The following CREB1 variants were observed in gnomAD, a reference collection of about 807,000 sequenced individuals.
CREB1 encodes cAMP responsive element binding protein 1.
CREB1 carries 2 observed loss-of-function variants against 42.0 expected under a neutral mutation model. The observed-to-expected ratio is 0.05, with a 90% CI of 0.02 to 0.15. The LOEUF is 0.15. Ranked by LOEUF, CREB1 falls within the 10% of genes least tolerant of loss-of-function variation. CREB1 has a pLI of 1.00. For synonymous variants in CREB1, 123 were observed against 139.9 expected, an observed-to-expected ratio of 0.88 and a Z score of 0.85; for missense variants, 199 against 388.9, an observed-to-expected ratio of 0.51 and a Z score of 4.11.
rs111992031 is a variant in CREB1, at chr2:207,601,215, A to G, written c.*4157A>G. The G allele has an allele frequency of 2.2e-5, 4 of 185,574 alleles. 1 individual carries two copies. Among genetic ancestry groups the G allele is most frequent in the African/African-American group, 9.3e-5 (4 of 42,820 alleles). 11.5% of individuals were successfully genotyped at this position (185,574 alleles called of 1,614,324 possible). A position where few individuals can be genotyped will look rare whatever the true frequency, so the allele number is the denominator to read the frequency against. Reference sequence around the variant, plus strand: ...GAAAAGTTGTATATTTATTTGGATTATATTTACATTCTGTCCTTTGTAAAT... The same window carrying G: ...GAAAAGTTGTATATTTATTTGGATTGTATTTACATTCTGTCCTTTGTAAAT... On this transcript the variant is annotated 3_prime_UTR_variant, in exon 8 of 8. Coordinates refer to ENST00000353267, the MANE Select transcript of CREB1 (RefSeq NM_004379.5).
intron 1 of CREB1, among the ~76,000 whole-genome samples, chr2:207,530,560 C>T (rs1345839082): frequency 1.4e-5 from 2 of 146,014 alleles, no homozygotes; most frequent in Non-Finnish European, 3.0e-5. Flanking sequence ...CCCGGCGCTG[C>T]CCCCCGCGCC....
Position 207,555,102 on chromosome 2 carries a change from C to T in CREB1, c.-8-526C>T, listed in dbSNP as rs1010642604. 2.0e-5 allele frequency among the ~76,000 whole-genome samples: 3 copies of T among 152,196 alleles called. No individual in the cohort carries two copies. In the East Asian group the frequency reaches 5.8e-4, roughly 29 times the overall value. ...TAAAAAATTTTGGGCTTGAAACGGGCTGATTTTGTCCTACCACTAGTAATC... is the reference window on the plus strand; with the variant it reads ...TAAAAAATTTTGGGCTTGAAACGGGTTGATTTTGTCCTACCACTAGTAATC... On this transcript the variant is annotated intron_variant, in intron 1 of 7. Transcript: ENST00000353267.
At chr2:207,583,770 T>G (rs1462040455) in intron 7 of CREB1, among the ~76,000 whole-genome samples, 1 of 152,234 alleles carries the variant, frequency 6.6e-6, no homozygotes, top group Non-Finnish European at 1.5e-5. Context: ...CAATGCCATA[T>G]GGAACAATTA....
intron 2 of CREB1, 34 bp downstream of exon 2, chr2:207,555,783 C>CT (rs745376788): frequency 1.7e-5 from 24 of 1,382,450 alleles, no homozygotes; most frequent in Non-Finnish European, 2.5e-5. Flanking sequence ...CAGTTTGTGT[C>CT]TCTTCCTAGA....
intron 7 of CREB1, among the ~76,000 whole-genome samples, chr2:207,579,863 A>C (rs1436346345): frequency 6.6e-6 from 1 of 152,108 alleles, no homozygotes; most frequent in Non-Finnish European, 1.5e-5. Flanking sequence ...TCTTTCATTT[A>C]ATTTTAACTC....
intron 1 of CREB1, among the ~76,000 whole-genome samples, chr2:207,533,213 AT>A (rs35303892): frequency 1.2e-4 from 18 of 149,986 alleles, no homozygotes; most frequent in Admixed American, 8.7e-4. Context: ...GTTTTGAATG[AT>A]TTTTTTTTTG....
At chr2:207,555,193 G>A (rs960952854) in intron 1 of CREB1, among the ~76,000 whole-genome samples, 3 of 152,150 alleles carry the variant, frequency 2.0e-5, no homozygotes, top group Non-Finnish European at 4.4e-5. Context: ...CTTATAGGAG[G>A]TATTATGAAG....
At chr2:207,574,622 A>G (rs986024523) in intron 5 of CREB1, among the ~76,000 whole-genome samples, 25 of 152,190 alleles carry the variant, frequency 1.6e-4, no homozygotes, top group African/African-American at 5.5e-4. Context: ...TAATTTAGAA[A>G]TGACAGTTAA....
intron 7 of CREB1, among the ~76,000 whole-genome samples, chr2:207,589,313 C>G (rs2084513547): frequency 6.6e-6 from 1 of 152,084 alleles, no homozygotes; most frequent in Admixed American, 6.6e-5. Context: ...GCCTCATGGC[C>G]CCCTTTCTCC....
At chr2:207,565,969 G>A (rs1354219983) in intron 3 of CREB1, among the ~76,000 whole-genome samples, 1 of 152,096 alleles carries the variant, frequency 6.6e-6, no homozygotes, top group Non-Finnish European at 1.5e-5. Context: ...TGCTTCTTTG[G>A]CAGTAATTAC....
At chr2:207,561,287 ATCT>A (rs2081947510) in intron 3 of CREB1, 2 of 785,184 alleles carry the variant, frequency 2.5e-6, no homozygotes, top group Non-Finnish European at 4.1e-6. Flanking sequence ...AACCTCAGAG[ATCT>A]TCTGGGTCTA....
At chr2:207,552,835 C>T (rs1254794858) in intron 1 of CREB1, among the ~76,000 whole-genome samples, 5 of 151,844 alleles carry the variant, frequency 3.3e-5, no homozygotes, top group Admixed American at 6.6e-5. Flanking sequence ...AAGCTGATCT[C>T]GAACTCCTGA....
At chr2:207,592,911 C>CAAAAAAGAAAAAAAAAAAAAGAA (rs146008919) in intron 7 of CREB1, among the ~76,000 whole-genome samples, 1 of 145,122 alleles carries the variant, frequency 6.9e-6, no homozygotes, top group Non-Finnish European at 1.5e-5. Context: ...GACTCCATCT[C>CAAAAAAGAAAAAAAAAAAAAGAA]AAAAAAGAAA....
chr2:207,582,824 T>C (rs1051577568), intron 7 of CREB1: 1 of 326,214 alleles, frequency 3.1e-6, no homozygotes. Flanking sequence ...ACCTGGGAGG[T>C]GGAAGTTGCA....
At chr2:207,545,998 G>T (rs1345924462) in intron 1 of CREB1, among the ~76,000 whole-genome samples, 1 of 152,206 alleles carries the variant, frequency 6.6e-6, no homozygotes, top group Non-Finnish European at 1.5e-5. Context: ...GCCTCCCAAA[G>T]TCTTGGGATT....
At chr2:207,580,525 TAAGAG>T (rs961317777) in intron 7 of CREB1, 6 of 218,338 alleles carry the variant, frequency 2.7e-5, no homozygotes, top group African/African-American at 1.1e-4. Flanking sequence ...GTGGAAAAGT[TAAGAG>T]AAGCACACTC....
intron 1 of CREB1, among the ~76,000 whole-genome samples, chr2:207,555,022 C>G (rs2081658335): frequency 6.6e-6 from 1 of 152,052 alleles, no homozygotes; most frequent in South Asian, 2.1e-4. Flanking sequence ...TTGAGATGAA[C>G]TGTGAGAACA....
intron 3 of CREB1, chr2:207,561,045 GAA>G: frequency 7.3e-7 from 1 of 1,366,296 alleles, no homozygotes; most frequent in East Asian, 2.3e-5. Flanking sequence ...TGAGCTTATT[GAA>G]AAAAAAGACT....
intron 7 of CREB1, among the ~76,000 whole-genome samples, chr2:207,580,225 A>G (rs889180888): frequency 6.6e-6 from 1 of 152,190 alleles, no homozygotes; most frequent in African/African-American, 2.4e-5. Flanking sequence ...ATTTGAACCC[A>G]TATCTGGCAC....
Sources: gnomAD v4.1 joint callset for allele counts (sites outside exome capture counted in the v4.1 genomes callset) on GRCh38, gnomAD v4.1.1 for gene constraint, MANE v1.5 for transcripts, NCBI Gene and HGNC (gene_info 2026-07-23, HGNC 2026-07-21) for gene names.